The following TMEM135 variants were observed in gnomAD, a reference collection of about 807,000 sequenced individuals.
The protein encoded by TMEM135 is peroxisomal membrane protein 52.
A neutral mutation model predicts 60.3 loss-of-function variants in TMEM135; 30 were observed. The ratio of observed to expected loss-of-function variants is 0.50; its 90% confidence interval spans 0.37 to 0.68. The LOEUF (loss-of-function observed/expected upper bound fraction) is 0.68. Ranked by LOEUF, TMEM135 falls within the 30% of genes least tolerant of loss-of-function variation. The pLI is 0.00. For synonymous variants in TMEM135, 190 were observed against 186.7 expected, an observed-to-expected ratio of 1.02 and a Z score of -0.14; for missense variants, 468 against 548.8, an observed-to-expected ratio of 0.85 and a Z score of 1.47.
intron 6 of TMEM135, among the ~76,000 whole-genome samples, chr11:87,257,457 TA>T (rs1395506251): frequency 4.6e-5 from 3 of 65,052 alleles, no homozygotes; most frequent in African/African-American, 1.4e-4. Flanking sequence ...TTCTCCATCT[TA>T]CTTGTTTTGT....
At chr11:87,210,725 A>C (rs993459700) in intron 5 of TMEM135, among the ~76,000 whole-genome samples, 1 of 152,186 alleles carries the variant, frequency 6.6e-6, no homozygotes, top group Non-Finnish European at 1.5e-5. Flanking sequence ...AATATCCCTG[A>C]TGAATATAGA....
At chr11:87,172,876 T>A (rs932521191) in intron 5 of TMEM135, among the ~76,000 whole-genome samples, 1 of 151,860 alleles carries the variant, frequency 6.6e-6, no homozygotes, top group Non-Finnish European at 1.5e-5. Context: ...AATTAAATAA[T>A]ATTTAAAGAA....
In TMEM135 at chr11:87,139,433, C is replaced by T. The variant is rs569370448; in HGVS notation, c.397-17908C>T. Among the ~76,000 whole-genome samples, 53 of 152,234 alleles carry T rather than the reference C, an allele frequency of 3.5e-4. No individual in the cohort carries two copies. In the South Asian group the frequency reaches 5.0e-3, roughly 14 times the overall value. Reference sequence around the variant, plus strand: ...TCTCTTCCTTAAAAAGCCCCTCTTTCCCCTTTGCGGTTTTCTCTTCCCATG... The same window carrying T: ...TCTCTTCCTTAAAAAGCCCCTCTTTTCCCTTTGCGGTTTTCTCTTCCCATG... On this transcript the variant is annotated intron_variant, in intron 4 of 14. Coordinates refer to ENST00000305494, the MANE Select transcript of TMEM135 (RefSeq NM_022918.4).
Position 87,104,784 on chromosome 11 carries a change from A to T in TMEM135, c.396+13389A>T, listed in dbSNP as rs148138827. 3.5e-3 allele frequency among the ~76,000 whole-genome samples: 540 copies of T among 152,270 alleles called. 6 individuals are homozygous for T. The highest frequency in any genetic ancestry group is 0.011 in the African/African-American group (476 of 41,538). On this transcript the variant is annotated intron_variant, in intron 4 of 14. Coordinates refer to ENST00000305494, the MANE Select transcript of TMEM135 (RefSeq NM_022918.4). Reference sequence around the variant, plus strand: ...TGTTGACACTGTGTCCTGCAACCGTACGGAATTTATTTATCAGTTCCAACA... The same window carrying T: ...TGTTGACACTGTGTCCTGCAACCGTTCGGAATTTATTTATCAGTTCCAACA...
At chr11:87,090,130 A>G (rs1857175800) in intron 3 of TMEM135, among the ~76,000 whole-genome samples, 1 of 152,132 alleles carries the variant, frequency 6.6e-6, no homozygotes, top group South Asian at 2.1e-4. Context: ...GGTGTATGGC[A>G]CTGTGGGTCC....
intron 5 of TMEM135, among the ~76,000 whole-genome samples, chr11:87,170,903 C>T (rs985327129): frequency 2.0e-5 from 3 of 152,088 alleles, no homozygotes; most frequent in African/African-American, 4.8e-5. Context: ...CTCCTCTTCC[C>T]CAGGTTTTCT....
chr11:87,178,194 GT>G (rs933223561), intron 5 of TMEM135, among the ~76,000 whole-genome samples: 18 of 151,848 alleles, frequency 1.2e-4, no homozygotes, highest in African/African-American at 4.1e-4. Context: ...CATGTGTTTG[GT>G]TTTTTTGGTG....
chr11:87,322,455 T>A lies in TMEM135; in HGVS notation c.*1122T>A, dbSNP rs1211541770. The A allele has an allele frequency of 2.2e-6, 1 of 454,004 alleles. No homozygotes were observed. Among genetic ancestry groups the A allele is most frequent in the South Asian group, 1.6e-5 (1 of 64,474 alleles). 28.1% of individuals were successfully genotyped at this position (454,004 alleles called of 1,614,324 possible). ...AAGAGGTGACACCATAAAGTCCTGC[T>A]GATAATGAGAGTAGTTCAGGACAGC... On this transcript the variant is annotated 3_prime_UTR_variant, in exon 15 of 15. Transcript: ENST00000305494.
intron 1 of TMEM135, among the ~76,000 whole-genome samples, chr11:87,040,847 C>T (rs1029183828): frequency 6.6e-6 from 1 of 152,106 alleles, no homozygotes; most frequent in East Asian, 1.9e-4. Context: ...TATTTTTCTT[C>T]CTCCCTTCTC....
chr11:87,130,582 G>A (rs1270279625), intron 4 of TMEM135, among the ~76,000 whole-genome samples: 1 of 152,126 alleles, frequency 6.6e-6, no homozygotes, highest in African/African-American at 2.4e-5. Context: ...CTGTGTGTCT[G>A]GGTATCGCTA....
At chr11:87,097,147 C>G (rs1050439461) in intron 4 of TMEM135, among the ~76,000 whole-genome samples, 2 of 152,154 alleles carry the variant, frequency 1.3e-5, no homozygotes, top group African/African-American at 4.8e-5. Flanking sequence ...CAGGCGCACA[C>G]TGCCATGCCT....
intron 5 of TMEM135, among the ~76,000 whole-genome samples, chr11:87,233,357 A>G (rs915411241): frequency 6.6e-6 from 1 of 152,136 alleles, no homozygotes; most frequent in Non-Finnish European, 1.5e-5. Flanking sequence ...GCAGGAAACT[A>G]TTATATGCTG....
rs1346120207 is a variant in TMEM135 at position 87,326,020 on chromosome 11, A to G, written c.*4687A>G. 2.2e-6 allele frequency: 1 copy of G among 453,906 alleles called. No individual in the cohort carries two copies. Among genetic ancestry groups the G allele is most frequent in the Admixed American group, 2.4e-5 (1 of 42,550 alleles). 28.1% of individuals were successfully genotyped at this position (453,906 alleles called of 1,614,324 possible). A position where few individuals can be genotyped will look rare whatever the true frequency, so the allele number is the denominator to read the frequency against. ...ACATACCATCTGGTCACCAACAGGG[A>G]CATCAGGGCCAAGAGCAGTTTATAC... On this transcript the variant is annotated 3_prime_UTR_variant, in exon 15 of 15. Transcript: ENST00000305494.
intron 5 of TMEM135, among the ~76,000 whole-genome samples, chr11:87,193,751 T>C (rs1939870005): frequency 6.9e-6 from 1 of 145,738 alleles, no homozygotes; most frequent in Non-Finnish European, 1.5e-5. Flanking sequence ...TTAAAGACCA[T>C]ATATATTCTT....
intron 4 of TMEM135, among the ~76,000 whole-genome samples, chr11:87,138,177 G>A (rs905323193): frequency 2.1e-5 from 3 of 142,712 alleles, no homozygotes; most frequent in East Asian, 2.3e-4. Flanking sequence ...TGCAACCCCC[G>A]CCTCCTGGGT....
At chr11:87,085,115 G>T (rs1310009853) in intron 3 of TMEM135, among the ~76,000 whole-genome samples, 1 of 152,208 alleles carries the variant, frequency 6.6e-6, no homozygotes, top group African/African-American at 2.4e-5. Context: ...AACTGAAGAA[G>T]TGATAAATTA....
At chr11:87,229,539 A>G (rs1940842876) in intron 5 of TMEM135, among the ~76,000 whole-genome samples, 1 of 152,166 alleles carries the variant, frequency 6.6e-6, no homozygotes, top group African/African-American at 2.4e-5. Flanking sequence ...ATATATTGGT[A>G]TAGTTTTCTT....
At chr11:87,225,388 CCATT>C (rs1940743301) in intron 5 of TMEM135, among the ~76,000 whole-genome samples, 1 of 151,860 alleles carries the variant, frequency 6.6e-6, no homozygotes, top group Non-Finnish European at 1.5e-5. Context: ...CATATGGTGA[CCATT>C]CAATAACATC....
chr11:87,313,528 A>G, intron 11 of TMEM135, 40 bp downstream of exon 11: 1 of 1,504,728 alleles, frequency 6.6e-7, no homozygotes, highest in South Asian at 1.1e-5. Flanking sequence ...TATTGTATTA[A>G]TCAGTGGTAG....
Sources: gnomAD v4.1 joint callset for allele counts (sites outside exome capture counted in the v4.1 genomes callset) on GRCh38, gnomAD v4.1.1 for gene constraint, MANE v1.5 for transcripts, NCBI Gene and HGNC (gene_info 2026-07-23, HGNC 2026-07-21) for gene names.